Variants in ATG7 observed in about 807,000 individuals in gnomAD.
ATG7 encodes autophagy related 7.
ATG7 carries 70 observed loss-of-function variants against 82.4 expected under a neutral mutation model. That is an observed-to-expected ratio of 0.85 (90% CI 0.70 to 1.04). The LOEUF (loss-of-function observed/expected upper bound fraction) is 1.04. Ranked by LOEUF, ATG7 falls within the 50% of genes least tolerant of loss-of-function variation. The pLI, the probability that ATG7 is intolerant of heterozygous loss-of-function variation, is 0.00. For missense variants in ATG7, 792 were observed against 864.3 expected, an observed-to-expected ratio of 0.92 and a Z score of 1.05; for synonymous variants, 287 against 313.0, an observed-to-expected ratio of 0.92 and a Z score of 0.88.
intron 10 of ATG7, 29 bp from the exon 11 acceptor site, chr3:11,332,943 A>C: frequency 7.1e-7 from 1 of 1,417,216 alleles, no homozygotes; most frequent in Non-Finnish European, 9.2e-7. Context: ...AAAAATAATA[A>C]ATAAATAAAA....
At chr3:11,409,775 CT>C (rs36100546) in intron 19 of ATG7, among the ~76,000 whole-genome samples, 6,319 of 144,306 alleles carry the variant, frequency 0.044, 425 homozygotes, top group African/African-American at 0.15. Flanking sequence ...TGTCTAGATT[CT>C]TTTTTTTTTT....
At chr3:11,387,930 A>G (rs1463037105) in intron 19 of ATG7, among the ~76,000 whole-genome samples, 2 of 152,220 alleles carry the variant, frequency 1.3e-5, no homozygotes, top group African/African-American at 4.8e-5. Context: ...AGATCACGCC[A>G]CTGCACTCCA....
intron 20 of ATG7, among the ~76,000 whole-genome samples, chr3:11,483,792 C>T (rs1451222797): frequency 1.3e-5 from 2 of 152,164 alleles, no homozygotes; most frequent in Non-Finnish European, 2.9e-5. Flanking sequence ...ACCCTGCAGC[C>T]AATCAGGATG....
At chr3:11,318,622 C>T (rs1000792872) in intron 9 of ATG7, among the ~76,000 whole-genome samples, 1 of 152,146 alleles carries the variant, frequency 6.6e-6, no homozygotes, top group African/African-American at 2.4e-5. Context: ...TACTTAAAAC[C>T]CTTCTAAGGT....
chr3:11,409,727 C>A (rs114350639), intron 19 of ATG7, among the ~76,000 whole-genome samples: 1 of 149,252 alleles, frequency 6.7e-6, no homozygotes. Flanking sequence ...GTCTGTGATA[C>A]ATTTTGAGTT....
chr3:11,490,914 T>G (rs566073200), intron 20 of ATG7, among the ~76,000 whole-genome samples: 34 of 152,246 alleles, frequency 2.2e-4, no homozygotes, highest in South Asian at 2.1e-4. Context: ...ATTTTTTCCT[T>G]CATTTCAACT....
chr3:11,342,028 C>A, intron 12 of ATG7, 107 bp from the exon 13 acceptor site: 1 of 1,311,204 alleles, frequency 7.6e-7, no homozygotes, highest in Non-Finnish European at 1.0e-6. Flanking sequence ...TCCTTTGATC[C>A]CAATTTCCTT....
At chr3:11,569,094 A>C in the ATG7 span, among the ~76,000 whole-genome samples, 2 of 152,226 alleles carry the variant, frequency 1.3e-5, no homozygotes, top group East Asian at 1.9e-4. Context: ...ACCAGATTCC[A>C]AGCAGTGACA....
intron 20 of ATG7, among the ~76,000 whole-genome samples, chr3:11,437,482 ATCTG>A (rs1185398636): frequency 6.6e-6 from 1 of 152,090 alleles, no homozygotes; most frequent in African/African-American, 2.4e-5. Flanking sequence ...GCACGTTGCT[ATCTG>A]TTTGTGTAAG....
At chr3:11,550,222 AT>A (rs532717203) in intron 20 of ATG7, among the ~76,000 whole-genome samples, 1 of 146,260 alleles carries the variant, frequency 6.8e-6, no homozygotes, top group Admixed American at 6.8e-5. Context: ...ATGCAAACCC[AT>A]TTTTTTTTCT....
chr3:11,480,535 T>C (rs1473806724), intron 20 of ATG7, among the ~76,000 whole-genome samples: 2 of 152,104 alleles, frequency 1.3e-5, no homozygotes, highest in Non-Finnish European at 2.9e-5. Context: ...ATGACTGCCC[T>C]CCAGCCTGGG....
intron 3 of ATG7, among the ~76,000 whole-genome samples, chr3:11,284,471 T>G (rs1177376560): frequency 1.3e-5 from 2 of 152,264 alleles, no homozygotes; most frequent in Non-Finnish European, 2.9e-5. Flanking sequence ...GTAGGTCATC[T>G]GTTAACTGTT....
At chr3:11,277,894 C>T (rs557191175) in intron 1 of ATG7, among the ~76,000 whole-genome samples, 1 of 119,046 alleles carries the variant, frequency 8.4e-6, no homozygotes, top group Non-Finnish European at 1.7e-5. Flanking sequence ...TTTATAGACC[C>T]CCCCCCCCCC....
At chr3:11,380,720 G>T (rs890398621) in intron 19 of ATG7, among the ~76,000 whole-genome samples, 1 of 152,188 alleles carries the variant, frequency 6.6e-6, no homozygotes, top group Non-Finnish European at 1.5e-5. Context: ...CTGCTGCCCA[G>T]CGACTTGACC....
intron 20 of ATG7, among the ~76,000 whole-genome samples, chr3:11,524,479 C>T (rs1426919091): frequency 2.0e-5 from 3 of 152,124 alleles, no homozygotes; most frequent in South Asian, 2.1e-4. Context: ...TTAATAAATA[C>T]CAGGCACAGT....
chr3:11,420,753 CTTTTTTT>C (rs869277638), intron 19 of ATG7, among the ~76,000 whole-genome samples: 5 of 126,048 alleles, frequency 4.0e-5, no homozygotes, highest in Admixed American at 1.6e-4. Flanking sequence ...ATACAAAATA[CTTTTTTT>C]TTTTTTTTTT....
intron 3 of ATG7, among the ~76,000 whole-genome samples, chr3:11,295,780 C>A (rs953558482): frequency 2.3e-5 from 2 of 85,934 alleles, no homozygotes; most frequent in African/African-American, 6.9e-5. Context: ...TCTTTTCTTT[C>A]TTTCTTTCTT....
At chr3:11,317,030 T>G (rs537052952) in intron 9 of ATG7, among the ~76,000 whole-genome samples, 3 of 152,168 alleles carry the variant, frequency 2.0e-5, no homozygotes, top group Non-Finnish European at 4.4e-5. Flanking sequence ...TTATTAGAGA[T>G]GGGGTTTCAC....
At chr3:11,411,341 C>A (rs1576204828) in intron 19 of ATG7, among the ~76,000 whole-genome samples, 1 of 152,060 alleles carries the variant, frequency 6.6e-6, no homozygotes, top group South Asian at 2.1e-4. Context: ...AATTTCTTAT[C>A]AGGGCTGGGC....
Sources: allele counts gnomAD v4.1 joint callset (sites outside exome capture counted in the v4.1 genomes callset), GRCh38; gene constraint gnomAD v4.1.1; transcripts MANE v1.5; gene names NCBI Gene and HGNC (gene_info 2026-07-23, HGNC 2026-07-21).